The following WWOX variants were observed in gnomAD, a reference collection of about 807,000 sequenced individuals.
The protein encoded by WWOX is WW domain containing oxidoreductase.
WWOX carries 69 observed loss-of-function variants against 46.2 expected under a neutral mutation model. The observed-to-expected ratio is 1.49, with a 90% CI of 1.23 to 1.82. The LOEUF is 1.82. WWOX is among the 40% of genes most tolerant of loss of function. The pLI is 0.00. For missense variants in WWOX, 919 were observed against 542.6 expected (o/e 1.69, Z -6.89); for synonymous variants, 359 against 202.6 (o/e 1.77, Z -6.56).
chr16:79,210,952 T>C (rs1182968529), intron 8 of WWOX, among the ~76,000 whole-genome samples: 5 of 152,126 alleles, frequency 3.3e-5, no homozygotes, highest in Admixed American at 2.0e-4. Flanking sequence ...GGGTCAAATA[T>C]GACATTTAGA....
At chr16:79,208,543 G>C (rs1373471037) in intron 8 of WWOX, among the ~76,000 whole-genome samples, 1 of 152,128 alleles carries the variant, frequency 6.6e-6, no homozygotes, top group Admixed American at 6.5e-5. Flanking sequence ...CCTTTAGATG[G>C]CTCTTTCATC....
At chr16:79,198,545 A>G (rs1361454332) in intron 8 of WWOX, among the ~76,000 whole-genome samples, 2 of 152,116 alleles carry the variant, frequency 1.3e-5, no homozygotes, top group Non-Finnish European at 2.9e-5. Flanking sequence ...TGGTGGAGCA[A>G]CCTAACTAGA....
intron 6 of WWOX, among the ~76,000 whole-genome samples, chr16:78,400,095 G>A (rs1052192511): frequency 2.6e-5 from 4 of 151,994 alleles, no homozygotes; most frequent in Non-Finnish European, 4.4e-5. Flanking sequence ...AAACATAAAC[G>A]GGACCTCTCA....
At chr16:78,306,244 A>C (rs796863150) in intron 5 of WWOX, among the ~76,000 whole-genome samples, 1 of 152,210 alleles carries the variant, frequency 6.6e-6, no homozygotes, top group Non-Finnish European at 1.5e-5. Flanking sequence ...CATTTATGGA[A>C]TAATAACATT....
At chr16:78,652,767 A>T (rs576564901) in intron 8 of WWOX, among the ~76,000 whole-genome samples, 2 of 152,186 alleles carry the variant, frequency 1.3e-5, no homozygotes, top group Non-Finnish European at 2.9e-5. Context: ...AAAGAAGCAG[A>T]TATTTCTTTA....
chr16:78,222,298 C>A (rs1175011737), intron 5 of WWOX, among the ~76,000 whole-genome samples: 1 of 149,566 alleles, frequency 6.7e-6, no homozygotes, highest in African/African-American at 2.5e-5. Flanking sequence ...AAGGGCCCAG[C>A]TGTGCCTCAT....
At chr16:78,854,516 C>G (rs952884939) in intron 8 of WWOX, among the ~76,000 whole-genome samples, 7 of 152,194 alleles carry the variant, frequency 4.6e-5, no homozygotes, top group Admixed American at 1.3e-4. Context: ...CAAATTGTAA[C>G]ACCCCTGGAA....
intron 5 of WWOX, among the ~76,000 whole-genome samples, chr16:78,300,563 C>A (rs2080022405): frequency 6.6e-6 from 1 of 151,856 alleles, no homozygotes; most frequent in Non-Finnish European, 1.5e-5. Context: ...TCCCTCCCTT[C>A]CCTCTCTTCC....
chr16:78,217,831 G>T (rs1253128399), intron 5 of WWOX, among the ~76,000 whole-genome samples: 1 of 152,148 alleles, frequency 6.6e-6, no homozygotes, highest in South Asian at 2.1e-4. Flanking sequence ...CACAGGTCAA[G>T]TTCTGAAGTC....
intron 5 of WWOX, among the ~76,000 whole-genome samples, chr16:78,236,963 A>C (rs907657515): frequency 2.0e-5 from 3 of 151,310 alleles, no homozygotes; most frequent in African/African-American, 7.3e-5. Flanking sequence ...AATCCCAGCT[A>C]CTCAGGAGGC....
chr16:78,373,601 C>G (rs2081747438), intron 5 of WWOX, among the ~76,000 whole-genome samples: 1 of 151,586 alleles, frequency 6.6e-6, no homozygotes, highest in African/African-American at 2.4e-5. Flanking sequence ...CTAGTTCTAT[C>G]TGCAGTGTAT....
chr16:78,109,960 G>C, intron 3 of WWOX, 125 bp downstream of exon 3: 2 of 1,034,214 alleles, frequency 1.9e-6, no homozygotes, highest in South Asian at 2.8e-5. Flanking sequence ...TGTAATCTTA[G>C]CAGAAGTGAC....
chr16:78,447,128 G>T (rs1049057988), intron 8 of WWOX, among the ~76,000 whole-genome samples: 2 of 152,134 alleles, frequency 1.3e-5, no homozygotes, highest in Non-Finnish European at 2.9e-5. Context: ...TTCTGAACCA[G>T]ACAGGCAGAG....
At chr16:78,524,428 A>ATTTGTTTGTTTG (rs1428287142) in intron 8 of WWOX, among the ~76,000 whole-genome samples, 1 of 148,084 alleles carries the variant, frequency 6.8e-6, no homozygotes, top group African/African-American at 2.5e-5. Context: ...TTATTTATTT[A>ATTTGTTTGTTTG]TTTGTTTGTT....
intron 6 of WWOX, among the ~76,000 whole-genome samples, chr16:78,393,633 G>C (rs938355176): frequency 1.8e-4 from 27 of 152,318 alleles, no homozygotes; most frequent in African/African-American, 6.0e-4. Flanking sequence ...TTACTGGTCA[G>C]CTTGTATAAT....
intron 8 of WWOX, among the ~76,000 whole-genome samples, chr16:79,024,216 A>T (rs1384148234): frequency 6.6e-6 from 1 of 152,096 alleles, no homozygotes; most frequent in Non-Finnish European, 1.5e-5. Context: ...ACTAAAAACC[A>T]CTGAACTGTA....
At chr16:78,277,683 C>G (rs2079605208) in intron 5 of WWOX, among the ~76,000 whole-genome samples, 2 of 152,024 alleles carry the variant, frequency 1.3e-5, no homozygotes, top group South Asian at 4.2e-4. Context: ...GTAGGGTTTG[C>G]ATGATTTGTG....
intron 4 of WWOX, among the ~76,000 whole-genome samples, chr16:78,131,119 G>A (rs915234354): frequency 6.6e-6 from 1 of 152,158 alleles, no homozygotes; most frequent in African/African-American, 2.4e-5. Context: ...TTATGGGACC[G>A]CCGTTGTATC....
intron 8 of WWOX, among the ~76,000 whole-genome samples, chr16:79,117,137 C>T (rs2049532890): frequency 6.6e-6 from 1 of 152,072 alleles, no homozygotes; most frequent in Admixed American, 6.6e-5. Flanking sequence ...CCAGCCTTCC[C>T]AGTAGCTGGG....
Sources: gnomAD v4.1 joint callset for allele counts (sites outside exome capture counted in the v4.1 genomes callset) on GRCh38, gnomAD v4.1.1 for gene constraint, MANE v1.5 for transcripts, NCBI Gene and HGNC (gene_info 2026-07-23, HGNC 2026-07-21) for gene names.